Variants in DYNC2H1 observed in about 807,000 individuals in gnomAD.
The protein encoded by DYNC2H1 is dynein cytoplasmic 2 heavy chain 1.
A neutral mutation model predicts 570.0 loss-of-function variants in DYNC2H1; 410 were observed. That is an observed-to-expected ratio of 0.72 (90% CI 0.66 to 0.78). The LOEUF is 0.78. Among genes scored for constraint, DYNC2H1 ranks in the 30% least tolerant of loss-of-function variants. DYNC2H1 has a pLI of 0.00. For missense variants in DYNC2H1, 4,865 were observed against 5,046.4 expected, an observed-to-expected ratio of 0.96 and a Z score of 1.09; for synonymous variants, 1,688 against 1,677.6, an observed-to-expected ratio of 1.01 and a Z score of -0.15.
intron 84 of DYNC2H1, among the ~76,000 whole-genome samples, chr11:103,410,502 A>G (rs1943040235): frequency 6.6e-6 from 1 of 152,102 alleles, no homozygotes; most frequent in African/African-American, 2.4e-5. Context: ...TAGATTATAG[A>G]ACAGGCTCCC....
intron 84 of DYNC2H1, among the ~76,000 whole-genome samples, chr11:103,428,979 G>C (rs1943786274): frequency 6.6e-6 from 1 of 151,928 alleles, no homozygotes. Flanking sequence ...GAAAAAATCT[G>C]GCTGGGCGCA....
In DYNC2H1 at chr11:103,244,786, C is replaced by G. The variant is rs1864547148; in HGVS notation, c.9919-465C>G. On this transcript the variant is annotated intron_variant, in intron 64 of 88. Transcript: ENST00000375735. This position sits in a 1 kb window ranked among gnomAD's most constrained non-coding sequence, Gnocchi z 4.3. ...AGTTACAGTTATATACATATAAGTA[C>G]TATATCTATATATAGTCATAGTTAT... 6.8e-6 allele frequency among the ~76,000 whole-genome samples: 1 copy of G among 147,844 alleles called. No individual in the cohort carries two copies. The highest frequency in any genetic ancestry group is 6.8e-5 in the Admixed American group (1 of 14,708).
At chr11:103,131,009 A>T (rs939704216) in intron 13 of DYNC2H1, among the ~76,000 whole-genome samples, 1 of 152,218 alleles carries the variant, frequency 6.6e-6, no homozygotes, top group Non-Finnish European at 1.5e-5. Flanking sequence ...TATAGTAATT[A>T]TTCAGTAAAC....
rs1945663336 is a variant in DYNC2H1, at chr11:103,479,123, A to G, written c.12794A>G (p.Glu4265Gly). ...QDACGPYSPD[E>G]CISLPVYTSA... is the part of the protein sequence containing the mutation. ...GCATGTGGTCCATATTCTCCGGATG[A>G]GTGCATCTCTTTGCCTGTTTACACA... Residue 4265 changes from glutamate to glycine, a missense_variant, in exon 89 of 89, where the codon GAG becomes GGG. Physicochemically the swap from Glu to Gly is moderately conservative, Grantham distance 98. Around this residue, in one of 5 missense-constraint regions of DYNC2H1, gnomAD observed 2,401 missense variants for 2,454.6 expected, o/e 0.98. Transcript: ENST00000375735. 1.2e-6 allele frequency: 2 copies of G among 1,613,770 alleles called. No individual in the cohort carries two copies. Among genetic ancestry groups the G allele is most frequent in the Non-Finnish European group, 1.7e-6 (2 of 1,179,732 alleles).
chr11:103,146,629 A>C (rs1487351161), intron 18 of DYNC2H1, among the ~76,000 whole-genome samples: 2 of 151,986 alleles, frequency 1.3e-5, no homozygotes, highest in Non-Finnish European at 1.5e-5. Flanking sequence ...TTGAGACTGA[A>C]TCTCACTCTG....
At chr11:103,476,472 A>T (rs2080450660) in intron 88 of DYNC2H1, among the ~76,000 whole-genome samples, 1 of 152,182 alleles carries the variant, frequency 6.6e-6, no homozygotes, top group Non-Finnish European at 1.5e-5. Flanking sequence ...CTTAGCCTTT[A>T]CAATTCTAGG....
chr11:103,282,272 A>T, intron 72 of DYNC2H1, 43 bp downstream of exon 72: 1 of 1,583,562 alleles, frequency 6.3e-7, no homozygotes, highest in Non-Finnish European at 8.6e-7. Context: ...TAAAGAAAAT[A>T]TTTCTGGCTT....
rs1862023718 is a variant in DYNC2H1, at chr11:103,185,349, T to C, written c.6633+298T>C. 6.6e-6 allele frequency among the ~76,000 whole-genome samples: 1 copy of C among 151,892 alleles called. No individual in the cohort carries two copies. The highest frequency in any genetic ancestry group is 6.6e-5 in the Admixed American group (1 of 15,190). Reference sequence around the variant, plus strand: ...ACCTACTTGTCTACATTAATAATTATTTCATTCATTTAAAAATCTTAGAAT... The same window carrying C: ...ACCTACTTGTCTACATTAATAATTACTTCATTCATTTAAAAATCTTAGAAT... On this transcript the variant is annotated intron_variant, in intron 41 of 88. Coordinates refer to ENST00000375735, the MANE Select transcript of DYNC2H1 (RefSeq NM_001377.3). This position sits in a 1 kb window ranked among gnomAD's most constrained non-coding sequence, Gnocchi z 4.5.
In DYNC2H1 at chr11:103,151,951, A is replaced by T. The variant is rs61898616; in HGVS notation, c.2947-185A>T. Among the ~76,000 whole-genome samples, 13,026 of 152,110 alleles carry T rather than the reference A, an allele frequency of 0.086. 735 individuals carry two copies. Among genetic ancestry groups the T allele is most frequent in the Non-Finnish European group, 0.11 (7,769 of 67,964 alleles). Reference sequence around the variant, plus strand: ...GTGTATAGTAAAAAATAACCATCAGAAAGTTTATATCCAGGAATTTTTTTC... The same window carrying T: ...GTGTATAGTAAAAAATAACCATCAGTAAGTTTATATCCAGGAATTTTTTTC... On this transcript the variant is annotated intron_variant, in intron 20 of 88. Coordinates refer to ENST00000375735, the MANE Select transcript of DYNC2H1 (RefSeq NM_001377.3). This position sits in a 1 kb window ranked among gnomAD's most constrained non-coding sequence, Gnocchi z 4.6.
chr11:103,349,781 G>T (rs377186804), intron 82 of DYNC2H1, among the ~76,000 whole-genome samples: 2 of 152,058 alleles, frequency 1.3e-5, no homozygotes, highest in Admixed American at 6.6e-5. Context: ...GAAAAATGAT[G>T]ATGTGAGTTC....
chr11:103,283,025 A>T lies in DYNC2H1; in HGVS notation c.10830A>T (p.Ile3610=). 6.2e-7 allele frequency: 1 copy of T among 1,603,232 alleles called. No individual in the cohort carries two copies. Among genetic ancestry groups the T allele is most frequent in the East Asian group, 2.2e-5 (1 of 44,530 alleles). ...MLRKADSQQK[I]RDQLPSWIDQ... ...TATTAAAGGACTCTCAACAAAAAATACGTGATCAGCTTCCGTCTTGGATAG... is the reference window on the plus strand; with the variant it reads ...TATTAAAGGACTCTCAACAAAAAATTCGTGATCAGCTTCCGTCTTGGATAG... The change falls in exon 73 of 89, where the codon ATA becomes ATT. Residue 3610 remains isoleucine (I), a synonymous_variant. Coordinates refer to ENST00000375735, the MANE Select transcript of DYNC2H1 (RefSeq NM_001377.3).
At chr11:103,271,884 C>T (rs1266913901) in intron 70 of DYNC2H1, among the ~76,000 whole-genome samples, 1 of 152,164 alleles carries the variant, frequency 6.6e-6, no homozygotes, top group Admixed American at 6.5e-5. Context: ...TACCATCTCA[C>T]ACCAGTTAGA....
At position 103,228,358 on chromosome 11, in the gene DYNC2H1, AT is replaced by A. The variant is rs1863876643; in HGVS notation, c.9354-2900del. Reference sequence around the variant, plus strand: ...CTGGGATTCAAGTGCAGCTGATCAGATTCTTTTGTCTCATGGGGCGCTCCCT... The same window carrying A: ...CTGGGATTCAAGTGCAGCTGATCAGATCTTTTGTCTCATGGGGCGCTCCCT... On this transcript the variant is annotated intron_variant, in intron 59 of 88. Coordinates refer to ENST00000375735, the MANE Select transcript of DYNC2H1 (RefSeq NM_001377.3). The surrounding 1 kb of genome is among the most constrained non-coding windows in gnomAD (Gnocchi z 6.1). Among the ~76,000 whole-genome samples, 1 of 152,104 alleles carries A rather than the reference AT, an allele frequency of 6.6e-6. No individual in the cohort carries two copies. The highest frequency in any genetic ancestry group is 1.5e-5 in the Non-Finnish European group (1 of 68,018).
At chr11:103,265,165 A>G (rs1379665113) in intron 70 of DYNC2H1, among the ~76,000 whole-genome samples, 1 of 152,142 alleles carries the variant, frequency 6.6e-6, no homozygotes, top group Non-Finnish European at 1.5e-5. Context: ...GAACAATAAG[A>G]ACACATGGAC....
chr11:103,280,787 C>A lies in DYNC2H1; in HGVS notation c.10761+374C>A, dbSNP rs11225649. 0.11 allele frequency among the ~76,000 whole-genome samples: 16,483 copies of A among 152,074 alleles called. 1,041 individuals are homozygous for A. The highest frequency in any genetic ancestry group is 0.22 in the East Asian group (1,131 of 5,180). On this transcript the variant is annotated intron_variant, in intron 71 of 88. Coordinates refer to ENST00000375735, the MANE Select transcript of DYNC2H1 (RefSeq NM_001377.3). The surrounding 1 kb of genome is among the most constrained non-coding windows in gnomAD (Gnocchi z 4.7). ...TACATTATTTATTGCTTCCACTGAACTGTCAAGAGGCAGCAGGTGAGGCAT... is the reference window on the plus strand; with the variant it reads ...TACATTATTTATTGCTTCCACTGAAATGTCAAGAGGCAGCAGGTGAGGCAT...
In DYNC2H1 at chr11:103,198,016, C is replaced by T; in HGVS notation, c.7792C>T (p.Pro2598Ser). 1 of 1,555,252 alleles carries T rather than the reference C, an allele frequency of 6.4e-7. No homozygotes were observed. The highest frequency in any genetic ancestry group is 1.7e-4 in the Middle Eastern group (1 of 6,000). ...ACAACCATTACCTCCACATGGAAAA[C>T]CACTTGGAAAACTAAACTCTACTGA... ...PGQPLPPHGKPLGKLNSTDLK... is the reference protein window; with the variant it reads ...PGQPLPPHGKSLGKLNSTDLK... The change falls in exon 48 of 89, where the codon CCA becomes TCA. Residue 2598 changes from proline (P) to serine (S), a missense_variant. By Grantham distance (74) the Pro-to-Ser change is moderately conservative. Transcript: ENST00000375735.
chr11:103,272,429 G>C (rs1335702051), intron 70 of DYNC2H1, among the ~76,000 whole-genome samples: 1 of 152,100 alleles, frequency 6.6e-6, no homozygotes, highest in Non-Finnish European at 1.5e-5. Flanking sequence ...GTCGTGGGGT[G>C]GGGGGATGGG....
rs1380737744 is a variant in DYNC2H1 at position 103,358,227 on chromosome 11, T to C, written c.12040-16T>C. The C allele has an allele frequency of 6.2e-6, 9 of 1,443,772 alleles. No individual in the cohort carries two copies. Among genetic ancestry groups the C allele is most frequent in the African/African-American group, 4.2e-5 (3 of 70,814 alleles). 89.4% of individuals were successfully genotyped at this position (1,443,772 alleles called of 1,614,324 possible). On this transcript the variant is annotated splice_polypyrimidine_tract_variant and intron_variant, in intron 82 of 88. Coordinates refer to ENST00000375735, the MANE Select transcript of DYNC2H1 (RefSeq NM_001377.3). ...AGTTCTTTTTATTTGTTGATACTTA[T>C]TATTTTTTTATTCAGGTTATTTCAC... is the stretch of plus-strand genomic sequence containing the variant.
intron 60 of DYNC2H1, among the ~76,000 whole-genome samples, chr11:103,233,292 GGT>G (rs1491173474): frequency 5.2e-5 from 1 of 19,264 alleles, no homozygotes; most frequent in African/African-American, 2.6e-4. Context: ...ATTAAATGCT[GGT>G]TTTTTTTTTT....
Sources: gnomAD v4.1 joint callset for allele counts (sites outside exome capture counted in the v4.1 genomes callset) on GRCh38, gnomAD v4.1.1 for gene constraint, gnomAD v4.1.1 regional missense constraint, Gnocchi (gnomAD v3.1) non-coding constraint, MANE v1.5 for transcripts, NCBI Gene and HGNC (gene_info 2026-07-23, HGNC 2026-07-21) for gene names.